IKZF2: variants seen among roughly 807,000 people sequenced by gnomAD.
IKZF2 encodes IKAROS family zinc finger 2.
IKZF2 carries 15 observed loss-of-function variants against 49.2 expected under a neutral mutation model. The ratio of observed to expected loss-of-function variants is 0.30; its 90% CI spans 0.20 to 0.47. The LOEUF (loss-of-function observed/expected upper bound fraction) is 0.47. Among genes scored for constraint, IKZF2 ranks in the 20% least tolerant of loss-of-function variants. IKZF2 has a pLI of 1.00. For synonymous variants in IKZF2, 227 were observed against 221.4 expected, an observed-to-expected ratio of 1.03 and a Z score of -0.23; for missense variants, 567 against 664.6, an observed-to-expected ratio of 0.85 and a Z score of 1.61.
At chr2:213,102,880 A>T (rs1307890795) in intron 4 of IKZF2, among the ~76,000 whole-genome samples, 4 of 152,062 alleles carry the variant, frequency 2.6e-5, no homozygotes, top group Non-Finnish European at 5.9e-5. Context: ...ACATGTGAGA[A>T]ATGGGCAGCC....
At chr2:213,035,910 A>G (rs1186122728) in intron 6 of IKZF2, among the ~76,000 whole-genome samples, 6 of 152,180 alleles carry the variant, frequency 3.9e-5, no homozygotes, top group African/African-American at 2.4e-5. Context: ...GAGAGCAGAG[A>G]CCCTAGATTC....
At chr2:213,084,920 T>C (rs943158795) in intron 4 of IKZF2, among the ~76,000 whole-genome samples, 1 of 152,190 alleles carries the variant, frequency 6.6e-6, no homozygotes, top group Admixed American at 6.5e-5. Context: ...CCTAAAAGAA[T>C]ATCCCTTTCT....
chr2:213,053,152 A>G (rs1700832763), intron 5 of IKZF2, among the ~76,000 whole-genome samples: 1 of 152,160 alleles, frequency 6.6e-6, no homozygotes, highest in African/African-American at 2.4e-5. Flanking sequence ...TGAAAACATT[A>G]AGTAGTTTGT....
At chr2:213,062,035 G>T (rs912277870) in intron 4 of IKZF2, among the ~76,000 whole-genome samples, 2 of 151,340 alleles carry the variant, frequency 1.3e-5, no homozygotes, top group African/African-American at 4.8e-5. Flanking sequence ...TCAATAATAT[G>T]AATTCTCAAT....
chr2:213,020,046 A>G (rs2125097464), intron 7 of IKZF2, among the ~76,000 whole-genome samples: 1 of 152,310 alleles, frequency 6.6e-6, no homozygotes, highest in South Asian at 2.1e-4. Flanking sequence ...GGAATGCAAA[A>G]ATAATAAATA....
intron 6 of IKZF2, among the ~76,000 whole-genome samples, chr2:213,043,558 C>T (rs1699866540): frequency 6.6e-6 from 1 of 152,144 alleles, no homozygotes; most frequent in Non-Finnish European, 1.5e-5. Flanking sequence ...ATCAGCAGTT[C>T]CCAACCTTTT....
intron 4 of IKZF2, among the ~76,000 whole-genome samples, chr2:213,121,099 C>T (rs1181205842): frequency 6.6e-6 from 1 of 152,124 alleles, no homozygotes; most frequent in Non-Finnish European, 1.5e-5. Context: ...GGAAAAAATG[C>T]ATTCTTCTTC....
intron 6 of IKZF2, among the ~76,000 whole-genome samples, chr2:213,035,996 A>C (rs4673719): frequency 0.57 from 87,269 of 151,902 alleles, 25,954 homozygotes; most frequent in East Asian, 0.77. Flanking sequence ...ATAGTTATCA[A>C]GGTATGATTT....
At chr2:213,149,079 T>G (rs2061181638) in intron 2 of IKZF2, among the ~76,000 whole-genome samples, 1 of 152,152 alleles carries the variant, frequency 6.6e-6, no homozygotes, top group African/African-American at 2.4e-5. Flanking sequence ...GTTCATCATG[T>G]TCTAATAGGG....
chr2:213,097,904 G>A, intron 4 of IKZF2: 1 of 198,838 alleles, frequency 5.0e-6, no homozygotes, highest in Non-Finnish European at 1.1e-5. Flanking sequence ...ATGTAATCTG[G>A]CAAGGAACAG....
At chr2:213,116,145 G>C (rs919988531) in intron 4 of IKZF2, among the ~76,000 whole-genome samples, 2 of 151,964 alleles carry the variant, frequency 1.3e-5, no homozygotes, top group African/African-American at 4.8e-5. Flanking sequence ...CTCTTTCTTC[G>C]TTACAGGAAC....
chr2:213,054,650 T>C (rs1700975099), intron 5 of IKZF2, among the ~76,000 whole-genome samples: 1 of 152,180 alleles, frequency 6.6e-6, no homozygotes, highest in Admixed American at 6.6e-5. Context: ...TAAATGGCTA[T>C]TAACTTTAAG....
intron 2 of IKZF2, among the ~76,000 whole-genome samples, chr2:213,149,707 G>A (rs2061206955): frequency 6.6e-6 from 1 of 151,636 alleles, no homozygotes; most frequent in African/African-American, 2.4e-5. Flanking sequence ...AAAACAGGCA[G>A]CTTCACTTCT....
chr2:213,035,872 T>C (rs374841742), intron 6 of IKZF2, among the ~76,000 whole-genome samples: 1 of 152,144 alleles, frequency 6.6e-6, no homozygotes, highest in Non-Finnish European at 1.5e-5. Flanking sequence ...ATCTGGAGAA[T>C]AGATTGGGAA....
chr2:213,066,503 G>A (rs1702179078), intron 4 of IKZF2, among the ~76,000 whole-genome samples: 1 of 152,028 alleles, frequency 6.6e-6, no homozygotes, highest in Admixed American at 6.6e-5. Flanking sequence ...CATAAACACT[G>A]TACTACTGGT....
At chr2:213,023,147 A>C (rs1024372571) in intron 6 of IKZF2, among the ~76,000 whole-genome samples, 3 of 152,172 alleles carry the variant, frequency 2.0e-5, no homozygotes, top group African/African-American at 7.2e-5. Context: ...TTTGACTCCC[A>C]GAGGAATTAT....
At chr2:213,086,951 A>T (rs1704688772) in intron 4 of IKZF2, among the ~76,000 whole-genome samples, 1 of 152,160 alleles carries the variant, frequency 6.6e-6, no homozygotes, top group East Asian at 1.9e-4. Context: ...TTATTAAGTG[A>T]TCTGGCCTTT....
intron 8 of IKZF2, among the ~76,000 whole-genome samples, chr2:213,010,399 G>T (rs1169347980): frequency 6.6e-5 from 10 of 152,058 alleles, no homozygotes; most frequent in African/African-American, 2.4e-4. Context: ...TGGGCCCCAT[G>T]TTTAGGGAGC....
chr2:213,147,524 G>T, intron 4 of IKZF2, 184 bp downstream of exon 4: 1 of 695,752 alleles, frequency 1.4e-6, no homozygotes, highest in Non-Finnish European at 2.6e-6. Flanking sequence ...GTTCAGACTA[G>T]TAAGCAGGCT....
Sources: allele counts gnomAD v4.1 joint callset (sites outside exome capture counted in the v4.1 genomes callset), GRCh38; gene constraint gnomAD v4.1.1; transcripts MANE v1.5; gene names NCBI Gene and HGNC (gene_info 2026-07-23, HGNC 2026-07-21).